Variants in ANO8 observed in about 807,000 individuals in gnomAD.
ANO8 encodes anoctamin 8, also known as anoctamin-8.
In ANO8, 67 loss-of-function variants were observed where a neutral mutation model predicts 120.4. The observed-to-expected ratio is 0.56, with a 90% CI of 0.46 to 0.68. ANO8 has a LOEUF of 0.68. Ranked by LOEUF, ANO8 falls within the 30% of genes least tolerant of loss-of-function variation. The pLI, the probability that ANO8 is intolerant of heterozygous loss-of-function variation, is 0.00. For missense variants in ANO8, 1,526 were observed against 1,737.6 expected (o/e 0.88, Z 2.16); for synonymous variants, 727 against 759.2 (o/e 0.96, Z 0.70).
chr19:17,332,644 G>A lies in ANO8; in HGVS notation c.586+286C>T, dbSNP rs117419016. 0.011 allele frequency among the ~76,000 whole-genome samples: 1,722 copies of A among 151,918 alleles called. No homozygotes were observed. Among genetic ancestry groups the A allele is most frequent in the Non-Finnish European group, 0.019 (1,310 of 67,878 alleles). On this transcript the variant is annotated intron_variant, in intron 5 of 17. Coordinates refer to ENST00000159087, the MANE Select transcript of ANO8 (RefSeq NM_020959.3). ...AGCCCCACCCTTTGGCCAAAGCCTC[G>A]CCCCCTCAGCTCATTGGTTCCCAAC...
In ANO8 at chr19:17,328,877, G is replaced by T; in HGVS notation, c.1511C>A (p.Ala504Asp). 6.7e-7 allele frequency: 1 copy of T among 1,500,640 alleles called. No individual in the cohort carries two copies. The highest frequency in any genetic ancestry group is 8.9e-7 in the Non-Finnish European group (1 of 1,129,506). 93.0% of individuals were successfully genotyped at this position (1,500,640 alleles called of 1,614,324 possible). The change falls in exon 13 of 18, where the codon GCC becomes GAC. Residue 504 changes from alanine (A) to aspartate (D), a missense_variant. Physicochemically the swap from Ala to Asp is moderately radical, Grantham distance 126 (BLOSUM62 -2). This residue lies in a region of ANO8 where 467 missense variants were observed against 425.8 expected (regional missense o/e 1.10). Transcript: ENST00000159087. ...RLGRGELGLRAVWELARALLG... is the reference protein window; with the variant it reads ...RLGRGELGLRDVWELARALLG... Reference sequence around the variant, plus strand: ...CAGGGCTCGGGCCAGCTCCCAGACGGCCCGCAGGCCCAGCTCGCCGCGGCC... The same window carrying T: ...CAGGGCTCGGGCCAGCTCCCAGACGTCCCGCAGGCCCAGCTCGCCGCGGCC...
rs2074251887 is a variant in ANO8 at position 17,323,564 on chromosome 19, G to A, written c.3652C>T (p.Pro1218Ser). ...PLETPAPSPS[P>S]SPSPQAVCWP... Reference sequence around the variant, plus strand: ...CACACGGCCTGGGGGCTGGGGCTGGGGCTAGGGGAGGGCGCTGGGGTCTCG... The same window carrying A: ...CACACGGCCTGGGGGCTGGGGCTGGAGCTAGGGGAGGGCGCTGGGGTCTCG... The change falls in exon 18 of 18, where the codon CCC (proline) becomes TCC (serine). Residue 1218 changes from proline to serine, a missense_variant. By Grantham distance (74) the Pro-to-Ser change is moderately conservative. Around this residue, in one of 8 missense-constraint regions of ANO8, gnomAD observed 489 missense variants for 548.6 expected, o/e 0.89. Coordinates refer to ENST00000159087, the MANE Select transcript of ANO8 (RefSeq NM_020959.3). The A allele has an allele frequency of 1.5e-6, 2 of 1,291,784 alleles. No homozygotes were observed. The allele number at this position is 1,291,784 out of a possible 1,614,324, so 80.0% of individuals were successfully genotyped here. A position where few individuals can be genotyped will look rare whatever the true frequency, so the allele number is the denominator to read the frequency against.
In ANO8 at chr19:17,330,415, G is replaced by C. The variant is rs562266782; in HGVS notation, c.1083C>G (p.Leu361=). ...AGACGAGGCACGCCAGGCACAGGGG[G>C]AGGCTCACAAGCAGCTGGAAGAGCA... ...KRLLFQLLVS[L]PLCLACLVCV... The change falls in exon 9 of 18, where the codon CTC becomes CTG. Residue 361 remains leucine (L), a synonymous_variant. Transcript: ENST00000159087. 1.3e-6 allele frequency: 2 copies of C among 1,577,722 alleles called. No individual in the cohort carries two copies. Among genetic ancestry groups the C allele is most frequent in the Admixed American group, 3.7e-5 (2 of 53,536 alleles).
chr19:17,330,968 C>T lies in ANO8; in HGVS notation c.853G>A (p.Val285Met), dbSNP rs757084785. The change falls in exon 8 of 18, where the codon GTG becomes ATG. Residue 285 changes from valine (V) to methionine (M), a missense_variant. This residue lies in a region of ANO8 where 322 missense variants were observed against 431.8 expected (regional missense o/e 0.75). Coordinates refer to ENST00000159087, the MANE Select transcript of ANO8 (RefSeq NM_020959.3). ...ATCACGTTGAAGAGGGCAAAGACCA[C>T]GCAGGAAACATCCCGGCTTGTCTGT... ...ADQTSRDVSC[V>M]VFALFNVIWS... The T allele has an allele frequency of 3.1e-6, 5 of 1,614,198 alleles. No homozygotes were observed. Among genetic ancestry groups the T allele is most frequent in the East Asian group, 4.5e-5 (2 of 44,868 alleles).
intron 15 of ANO8, 31 bp from the exon 16 acceptor site, chr19:17,327,376 C>A: frequency 6.4e-7 from 1 of 1,550,758 alleles, no homozygotes; most frequent in Non-Finnish European, 8.7e-7. Flanking sequence ...AGGCTGCAGG[C>A]TGCAGACGCT....
rs905233533 is a variant in ANO8 at position 17,330,135 on chromosome 19, G to A, written c.1263C>T (p.Leu421=). 6 of 1,614,058 alleles carry A rather than the reference G, an allele frequency of 3.7e-6. No homozygotes were observed. Among genetic ancestry groups the A allele is most frequent in the Admixed American group, 1.7e-5 (1 of 60,020 alleles). Residue 421 remains leucine (L), a synonymous_variant, in exon 10 of 18, where the codon CTC becomes CTT. Transcript: ENST00000159087. Reference sequence around the variant, plus strand: ...CCTGGCAGGTCGTACCCATGTCATTGAGCCAGATGGCTAGCTTCTTGTAGC... The same window carrying A: ...CCTGGCAGGTCGTACCCATGTCATTAAGCCAGATGGCTAGCTTCTTGTAGC... ...AEGYKKLAIW[L]NDMENYRLES...
intron 5 of ANO8, 64 bp from the exon 6 acceptor site, chr19:17,331,475 CTT>C (rs2145690239): frequency 6.7e-7 from 1 of 1,493,446 alleles, no homozygotes. Context: ...GCTAGCCCCT[CTT>C]TGTCTGAAAC....
Position 17,327,541 on chromosome 19 carries a change from G to T in ANO8, c.2447C>A (p.Ala816Glu). 6.2e-7 allele frequency: 1 copy of T among 1,613,462 alleles called. No individual in the cohort carries two copies. The highest frequency in any genetic ancestry group is 1.3e-5 in the African/African-American group (1 of 75,042). ...QKVMEAMGVL[A>E]IVVNCYLIGQ... ...GATTAAGTAGCAGTTGACCACAATCGCTAGGACACCCATGGCCTCCATCAC... is the reference window on the plus strand; with the variant it reads ...GATTAAGTAGCAGTTGACCACAATCTCTAGGACACCCATGGCCTCCATCAC... Residue 816 changes from alanine (A) to glutamate (E), a missense_variant, in exon 15 of 18, where the codon GCG (alanine) becomes GAG (glutamate). By Grantham distance (107) the Ala-to-Glu change is moderately radical. This residue lies in a region of ANO8 where 77 missense variants were observed against 131.5 expected (regional missense o/e 0.59). Coordinates refer to ENST00000159087, the MANE Select transcript of ANO8 (RefSeq NM_020959.3).
chr19:17,330,497 C>T lies in ANO8; in HGVS notation c.1001G>A (p.Arg334Gln). 6.6e-7 allele frequency: 1 copy of T among 1,524,838 alleles called. No individual in the cohort carries two copies. Among genetic ancestry groups the T allele is most frequent in the East Asian group, 2.4e-5 (1 of 41,176 alleles). The allele number at this position is 1,524,838 out of a possible 1,614,324, so 94.5% of individuals were successfully genotyped here. A position where few individuals can be genotyped will look rare whatever the true frequency, so the allele number is the denominator to read the frequency against. Residue 334 changes from arginine (R) to glutamine (Q), a missense_variant, in exon 9 of 18, where the codon CGA becomes CAA. Physicochemically the swap from Arg to Gln is conservative, Grantham distance 43 (BLOSUM62 1). Coordinates refer to ENST00000159087, the MANE Select transcript of ANO8 (RefSeq NM_020959.3). ...GGCCCGCGTGATGGGGCTGATACGT[C>T]GCACGCCCTGATGGTGGGCAAAGAC... Reference protein sequence around the residue: ...EEPRPQFRGVRRISPITRAEE... With the variant: ...EEPRPQFRGVQRISPITRAEE...
In ANO8 at chr19:17,325,203, T is replaced by C. The variant is rs761873573; in HGVS notation, c.2845A>G (p.Lys949Glu). ...CCACCCGCAGTGCTGCCCTTGGCCTTGGCAGAGGCCTTCTCGGAGGAGGTG... is the reference window on the plus strand; with the variant it reads ...CCACCCGCAGTGCTGCCCTTGGCCTCGGCAGAGGCCTTCTCGGAGGAGGTG... ...PATSSEKASAKAKGSTAGGHG... is the reference protein window; with the variant it reads ...PATSSEKASAEAKGSTAGGHG... Residue 949 changes from lysine to glutamate, a missense_variant, in exon 17 of 18, where the codon AAG becomes GAG. By Grantham distance (56) the Lys-to-Glu change is moderately conservative. Around this residue, in one of 8 missense-constraint regions of ANO8, gnomAD observed 489 missense variants for 548.6 expected, o/e 0.89. Transcript: ENST00000159087. The C allele has an allele frequency of 2.7e-5, 43 of 1,612,624 alleles. No homozygotes were observed. The highest frequency in any genetic ancestry group is 3.6e-5 in the Non-Finnish European group (43 of 1,179,800).
rs2083989196 is a variant in ANO8, at chr19:17,330,105, G to A, written c.1273+20C>T. On this transcript the variant is annotated intron_variant, in intron 10 of 17. Coordinates refer to ENST00000159087, the MANE Select transcript of ANO8 (RefSeq NM_020959.3). ...GGGCAGTGGAGACCTTCCTCCCAGA[G>A]ACCCCCTGGCAGGTCGTACCCATGT... 9 of 1,613,814 alleles carry A rather than the reference G, an allele frequency of 5.6e-6. No homozygotes were observed. Among genetic ancestry groups the A allele is most frequent in the Non-Finnish European group, 6.8e-6 (8 of 1,179,986 alleles).
chr19:17,330,840 G>A lies in ANO8; in HGVS notation c.981C>T (p.Arg327=), dbSNP rs530614739. Residue 327 remains arginine, a synonymous_variant, in exon 8 of 18, where the codon CGC becomes CGT. Transcript: ENST00000159087. Reference sequence around the variant, plus strand: ...GCCCCCAACTGACCCTGAACTGGGGGCGTGGCTCCTCCACGGCTTCCCCAG... The same window carrying A: ...GCCCCCAACTGACCCTGAACTGGGGACGTGGCTCCTCCACGGCTTCCCCAG... ...DSPGEAVEEP[R]PQFRGVRRIS... is the part of the protein sequence containing the mutation. 1.9e-6 allele frequency: 3 copies of A among 1,613,946 alleles called. No individual in the cohort carries two copies. The highest frequency in any genetic ancestry group is 2.2e-5 in the South Asian group (2 of 91,054).
rs761988486 is a variant in ANO8, at chr19:17,327,876, G to C, written c.2231C>G (p.Thr744Arg). The C allele has an allele frequency of 6.2e-7, 1 of 1,613,076 alleles. No homozygotes were observed. The highest frequency in any genetic ancestry group is 2.2e-5 in the East Asian group (1 of 44,836). Reference protein sequence around the residue: ...LESCMKKYEDTFQDYQEMFVQ... With the variant: ...LESCMKKYEDRFQDYQEMFVQ... ...GAACATCTCCTGGTAGTCCTGGAAC[G>C]TGTCCTGCGAGTGGGCGGGCCTCAG... Residue 744 changes from threonine (T) to arginine (R), a missense_variant, in exon 14 of 18, where the codon ACG becomes AGG. By Grantham distance (71) the Thr-to-Arg change is moderately conservative. Coordinates refer to ENST00000159087, the MANE Select transcript of ANO8 (RefSeq NM_020959.3).
rs1170604356 is a variant in ANO8 at position 17,328,985 on chromosome 19, TG to T, written c.1405-3del. 3 of 1,487,780 alleles carry T rather than the reference TG, an allele frequency of 2.0e-6. No individual in the cohort carries two copies. The highest frequency in any genetic ancestry group is 1.8e-6 in the Non-Finnish European group (2 of 1,120,198). The allele number at this position is 1,487,780 out of a possible 1,614,324, so 92.2% of individuals were successfully genotyped here. ...GGTGATCAGCAGCGTGGCCAGCATCTGGGGGCAGGAAGGGGAAGGAGAGAGG... is the reference window on the plus strand; with the variant it reads ...GGTGATCAGCAGCGTGGCCAGCATCTGGGGCAGGAAGGGGAAGGAGAGAGG... On this transcript the variant is annotated splice_polypyrimidine_tract_variant and splice_region_variant and intron_variant, in intron 12 of 17. Coordinates refer to ENST00000159087, the MANE Select transcript of ANO8 (RefSeq NM_020959.3).
chr19:17,325,298 T>C lies in ANO8; in HGVS notation c.2750A>G (p.His917Arg), dbSNP rs1389158064. 1.2e-6 allele frequency: 2 copies of C among 1,606,474 alleles called. No individual in the cohort carries two copies. The highest frequency in any genetic ancestry group is 2.7e-5 in the African/African-American group (2 of 74,942). ...EEERQRHAEHHARREHDSGGR... is the reference protein window; with the variant it reads ...EEERQRHAEHRARREHDSGGR... ...ACCAGAATCATGCTCCCGCCGGGCA[T>C]GGTGCTCTGCATGGCGCTGTCGCTC... The change falls in exon 17 of 18, where the codon CAT (histidine) becomes CGT (arginine). Residue 917 changes from histidine (H) to arginine (R), a missense_variant. Physicochemically the swap from His to Arg is conservative, Grantham distance 29. Around this residue, in one of 8 missense-constraint regions of ANO8, gnomAD observed 489 missense variants for 548.6 expected, o/e 0.89. Coordinates refer to ENST00000159087, the MANE Select transcript of ANO8 (RefSeq NM_020959.3).
Position 17,323,786 on chromosome 19 carries a change from G to A in ANO8, c.3430C>T (p.Pro1144Ser). The change falls in exon 18 of 18, where the codon CCG (proline) becomes TCG (serine). Residue 1144 changes from proline (P) to serine (S), a missense_variant. Pro to Ser is a moderately conservative substitution (Grantham distance 74, BLOSUM62 -1). Transcript: ENST00000159087. ...PPMPLPRPPT[P>S]PAGCWQWDGP... is the part of the protein sequence containing the mutation. ...TCCCACTGCCAGCAGCCTGCGGGCG[G>A]TGTCGGGGGCCGGGGCAGCGGCATT... 6 of 1,164,286 alleles carry A rather than the reference G, an allele frequency of 5.2e-6. 1 individual carries two copies. The South Asian group carries it at 1.3e-4, about 24-fold the overall frequency. 72.1% of individuals were successfully genotyped at this position (1,164,286 alleles called of 1,614,324 possible).
rs756552222 is a variant in ANO8 at position 17,332,903 on chromosome 19, G to A, written c.586+27C>T. 1.1e-5 allele frequency: 18 copies of A among 1,611,882 alleles called. No individual in the cohort carries two copies. The African/African-American group carries it at 2.1e-4, about 19-fold the overall frequency. ...GAGCTCCACCCAACTCTCTGCCTGT[G>A]ATTGGTGTTGACCCCGCCCTGCTCA... On this transcript the variant is annotated intron_variant, in intron 5 of 17. Transcript: ENST00000159087.
At position 17,328,554 on chromosome 19, in the gene ANO8, G is replaced by C; in HGVS notation, c.1834C>G (p.Leu612Val). The C allele has an allele frequency of 6.5e-7, 1 of 1,548,606 alleles. No homozygotes were observed. Among genetic ancestry groups the C allele is most frequent in the Admixed American group, 2.0e-5 (1 of 51,048 alleles). ...GEEGGLLDCG[L>V]RLKKVSFAER... ...GCGAAGCTGACCTTCTTCAGCCGGA[G>C]CCCGCAGTCCAGGAGGCCCCCTTCC... The change falls in exon 13 of 18, where the codon CTC (leucine) becomes GTC (valine). Residue 612 changes from leucine (L) to valine (V), a missense_variant. By Grantham distance (32) the Leu-to-Val change is conservative (BLOSUM62 1). This residue lies in a region of ANO8 where 467 missense variants were observed against 425.8 expected (regional missense o/e 1.10). Transcript: ENST00000159087.
intron 17 of ANO8, 21 bp from the exon 18 acceptor site, chr19:17,323,905 G>A (rs1262108779): frequency 4.5e-6 from 5 of 1,113,788 alleles, no homozygotes; most frequent in Non-Finnish European, 4.4e-6. Context: ...GAGAGGGGCC[G>A]TTCCGGGGGG....
Sources: allele counts gnomAD v4.1 joint callset (sites outside exome capture counted in the v4.1 genomes callset), GRCh38; gene constraint gnomAD v4.1.1; regional missense constraint gnomAD v4.1.1; transcripts MANE v1.5; gene names NCBI Gene and HGNC (gene_info 2026-07-23, HGNC 2026-07-21).